GRM4: variants seen among roughly 807,000 people sequenced by gnomAD.
GRM4 encodes metabotropic glutamate receptor 4.
GRM4 carries 28 observed loss-of-function variants against 81.7 expected under a neutral mutation model. The observed-to-expected ratio is 0.34, with a 90% CI of 0.25 to 0.47. The LOEUF (loss-of-function observed/expected upper bound fraction) is 0.47. Ranked by LOEUF, GRM4 falls within the 20% of genes least tolerant of loss-of-function variation. The pLI is 1.00. For synonymous variants in GRM4, 488 were observed against 528.8 expected (o/e 0.92, Z 1.06); for missense variants, 948 against 1,290.0 (o/e 0.73, Z 4.06).
chr6:34,149,357 G>A (rs1254496656), upstream of GRM4, among the ~76,000 whole-genome samples: 1 of 152,198 alleles, frequency 6.6e-6, no homozygotes, highest in African/African-American at 2.4e-5. Context: ...CCCTAAACCA[G>A]GCCATTAGAT....
chr6:34,029,081 G>A (rs573026978), intron 9 of GRM4, among the ~76,000 whole-genome samples: 7 of 152,318 alleles, frequency 4.6e-5, no homozygotes, highest in Non-Finnish European at 1.0e-4. Flanking sequence ...GGCAGGGTCC[G>A]GCAATTCCCA....
intron 2 of GRM4, among the ~76,000 whole-genome samples, chr6:34,103,252 A>C (rs191507083): frequency 9.8e-4 from 149 of 152,368 alleles, no homozygotes; most frequent in Admixed American, 1.8e-3. Flanking sequence ...AGACGCAGGC[A>C]ACAGGCCTTT....
rs113004385 is a variant in GRM4, at chr6:34,077,924, T to A, written c.736+13959A>T. ...AAAGTTACGGGACTAGATGCCTCTGTGCCCACCAGCCTCTGACTCCAGCAG... is the reference window on the plus strand; with the variant it reads ...AAAGTTACGGGACTAGATGCCTCTGAGCCCACCAGCCTCTGACTCCAGCAG... On this transcript the variant is annotated intron_variant, in intron 3 of 10. Coordinates refer to ENST00000538487, the MANE Select transcript of GRM4 (RefSeq NM_000841.4). Among the ~76,000 whole-genome samples, 48 of 152,206 alleles carry A rather than the reference T, an allele frequency of 3.2e-4. 1 individual carries two copies. Among genetic ancestry groups the A allele is most frequent in the Admixed American group, 3.0e-3 (46 of 15,298 alleles).
At chr6:34,071,132 A>G (rs371205145) in intron 3 of GRM4, among the ~76,000 whole-genome samples, 1 of 151,852 alleles carries the variant, frequency 6.6e-6, no homozygotes, top group East Asian at 1.9e-4. Flanking sequence ...CAAGTCATGT[A>G]AATCCCCAAC....
chr6:34,051,750 G>C (rs1274965509), intron 6 of GRM4, among the ~76,000 whole-genome samples: 1 of 152,166 alleles, frequency 6.6e-6, no homozygotes, highest in Non-Finnish European at 1.5e-5. Context: ...CAGGCCATCT[G>C]CAAGTGCTTC....
At chr6:34,141,419 A>G (rs192847516) in intron 1 of GRM4, among the ~76,000 whole-genome samples, 90 of 152,302 alleles carry the variant, frequency 5.9e-4, no homozygotes, top group Non-Finnish European at 1.0e-3. Flanking sequence ...CACAGATAAT[A>G]TCTACCTTAA....
At chr6:34,030,603 C>T (rs990817974) in intron 9 of GRM4, among the ~76,000 whole-genome samples, 9 of 152,176 alleles carry the variant, frequency 5.9e-5, no homozygotes, top group Non-Finnish European at 1.2e-4. Flanking sequence ...GCAGGGCCAG[C>T]GCTATGAGTG....
At chr6:34,104,265 T>G (rs1416736349) in intron 2 of GRM4, among the ~76,000 whole-genome samples, 1 of 152,074 alleles carries the variant, frequency 6.6e-6, no homozygotes, top group Non-Finnish European at 1.5e-5. Flanking sequence ...AGGGTGGGCT[T>G]CCCCGGGGCT....
intron 2 of GRM4, among the ~76,000 whole-genome samples, chr6:34,099,071 G>T (rs904601720): frequency 6.6e-6 from 1 of 152,216 alleles, no homozygotes; most frequent in Non-Finnish European, 1.5e-5. Context: ...CAGCCTAGTT[G>T]GGGAGTCAGG....
At chr6:34,097,403 GTGTT>G (rs764065236) in intron 2 of GRM4, among the ~76,000 whole-genome samples, 2 of 152,058 alleles carry the variant, frequency 1.3e-5, no homozygotes, top group South Asian at 2.1e-4. Context: ...GTGCATGCCT[GTGTT>G]TGTGTGAGCA....
intron 10 of GRM4, among the ~76,000 whole-genome samples, chr6:34,023,957 C>T (rs1197125296): frequency 2.0e-5 from 3 of 152,176 alleles, no homozygotes; most frequent in Non-Finnish European, 2.9e-5. Flanking sequence ...GGCTGATCTG[C>T]GAGTCTGGAG....
chr6:34,087,702 C>CG (rs1767976407), intron 3 of GRM4, among the ~76,000 whole-genome samples: 1 of 140,848 alleles, frequency 7.1e-6, no homozygotes, highest in African/African-American at 2.6e-5. Flanking sequence ...ACACACAACC[C>CG]CCCCCCCACA....
At chr6:34,073,129 C>CCA (rs534116779) in intron 3 of GRM4, among the ~76,000 whole-genome samples, 5,620 of 44,854 alleles carry the variant, frequency 0.13, 218 homozygotes, top group East Asian at 0.36. Flanking sequence ...CAGATACACA[C>CCA]CACACACACA....
At chr6:34,142,338 A>G (rs1344386878) in intron 1 of GRM4, among the ~76,000 whole-genome samples, 1 of 152,172 alleles carries the variant, frequency 6.6e-6, no homozygotes, top group Non-Finnish European at 1.5e-5. Context: ...CCAGCTGTCC[A>G]GGCTGCCAGT....
At chr6:34,075,755 G>C (rs75161422) in intron 3 of GRM4, among the ~76,000 whole-genome samples, 1,556 of 152,318 alleles carry the variant, frequency 0.01, 13 homozygotes, top group South Asian at 0.018. Context: ...TGGCACATTA[G>C]TGCTCAGGAA....
chr6:34,104,320 T>C (rs1044604670), intron 2 of GRM4, among the ~76,000 whole-genome samples: 4 of 152,162 alleles, frequency 2.6e-5, no homozygotes, highest in African/African-American at 7.2e-5. Flanking sequence ...TCCTTGCCAG[T>C]GGGCAGGAGG....
At chr6:34,134,996 G>A (rs1416490041) in intron 1 of GRM4, among the ~76,000 whole-genome samples, 1 of 151,666 alleles carries the variant, frequency 6.6e-6, no homozygotes, top group African/African-American at 2.4e-5. Context: ...GATGGAAGCT[G>A]AGTCAGGGCT....
chr6:34,126,753 C>G (rs1236701757), intron 2 of GRM4, among the ~76,000 whole-genome samples: 1 of 152,250 alleles, frequency 6.6e-6, no homozygotes, highest in Non-Finnish European at 1.5e-5. Flanking sequence ...GCAGAGGTCT[C>G]CCTCCCATTC....
Position 34,022,555 on chromosome 6 carries a change from G to GT in GRM4, c.*265dup. 1.9e-6 allele frequency: 1 copy of GT among 537,784 alleles called. No individual in the cohort carries two copies. Among genetic ancestry groups the GT allele is most frequent in the East Asian group, 3.2e-5 (1 of 31,490 alleles). 33.3% of individuals were successfully genotyped at this position (537,784 alleles called of 1,614,324 possible). ...GGCCCACACGACCTGAGCCCCTGTG[G>GT]TTTGGGGCCGGGAGGGGCAATGGTC... is the stretch of plus-strand genomic sequence containing the variant. On this transcript the variant is annotated 3_prime_UTR_variant, in exon 11 of 11. Transcript: ENST00000538487. The surrounding 1 kb of genome is among the most constrained non-coding windows in gnomAD (Gnocchi z 5.6).
Sources: allele counts gnomAD v4.1 joint callset (sites outside exome capture counted in the v4.1 genomes callset), GRCh38; gene constraint gnomAD v4.1.1; non-coding constraint Gnocchi (gnomAD v3.1); transcripts MANE v1.5; gene names NCBI Gene and HGNC (gene_info 2026-07-23, HGNC 2026-07-21).